The following CA10 variants were observed in gnomAD, a reference collection of about 807,000 sequenced individuals.
CA10 encodes the protein carbonic anhydrase-related protein 10.
CA10 carries 14 observed loss-of-function variants against 44.2 expected under a neutral mutation model. The ratio of observed to expected loss-of-function variants is 0.32; its 90% CI spans 0.21 to 0.50. The LOEUF (loss-of-function observed/expected upper bound fraction) is 0.50, where lower values mean the gene tolerates loss of function less well. Among genes scored for constraint, CA10 ranks in the 20% least tolerant of loss-of-function variants. The pLI is 0.99. For synonymous variants in CA10, 159 were observed against 141.6 expected, an observed-to-expected ratio of 1.12 and a Z score of -0.87; for missense variants, 350 against 409.7, an observed-to-expected ratio of 0.85 and a Z score of 1.26.
Position 51,732,197 on chromosome 17 carries a change from G to A in CA10, c.465+15436C>T, listed in dbSNP as rs576303343. ...GATTTTTACATTGACTGGCAGAAAC[G>A]AAGGAGAGGGAGAACAATGTTAGCA... On this transcript the variant is annotated intron_variant, in intron 4 of 8. Coordinates refer to ENST00000451037, the MANE Select transcript of CA10 (RefSeq NM_020178.5). Among the ~76,000 whole-genome samples the A allele has an allele frequency of 3.3e-5, 5 of 152,306 alleles. No homozygotes were observed. In the South Asian group the frequency reaches 1.0e-3, roughly 32 times the overall value.
At chr17:51,953,517 T>C (rs928664923) in intron 2 of CA10, among the ~76,000 whole-genome samples, 5 of 152,148 alleles carry the variant, frequency 3.3e-5, no homozygotes, top group Admixed American at 2.0e-4. Context: ...GGAAATTTTA[T>C]TGGGAATTGC....
chr17:52,022,687 A>C (rs542929824), intron 2 of CA10, among the ~76,000 whole-genome samples: 1 of 152,260 alleles, frequency 6.6e-6, no homozygotes, highest in Admixed American at 6.5e-5. Flanking sequence ...TGCTGATGAC[A>C]TGATTTTATA....
At chr17:51,769,155 A>G (rs1323029538) in intron 3 of CA10, among the ~76,000 whole-genome samples, 1 of 152,164 alleles carries the variant, frequency 6.6e-6, no homozygotes, top group Admixed American at 6.5e-5. Flanking sequence ...GCCTGCTCAT[A>G]GTTTTTAAAA....
intron 2 of CA10, among the ~76,000 whole-genome samples, chr17:52,040,597 TGAAAGAAGA>T (rs1033106686): frequency 6.6e-6 from 1 of 152,004 alleles, no homozygotes; most frequent in African/African-American, 2.4e-5. Context: ...CAATGATCCC[TGAAAGAAGA>T]GAAACAAACA....
intron 2 of CA10, among the ~76,000 whole-genome samples, chr17:52,031,456 C>G (rs1246014208): frequency 6.6e-6 from 1 of 152,042 alleles, no homozygotes; most frequent in Admixed American, 6.6e-5. Flanking sequence ...GGCTGTGACT[C>G]CAACTCTCCA....
intron 4 of CA10, among the ~76,000 whole-genome samples, chr17:51,657,317 C>A (rs1245944297): frequency 6.6e-6 from 1 of 152,162 alleles, no homozygotes; most frequent in Non-Finnish European, 1.5e-5. Context: ...AACAGCAGGT[C>A]TTAACCATGA....
chr17:52,029,503 C>T (rs866732338), intron 2 of CA10, among the ~76,000 whole-genome samples: 2 of 152,038 alleles, frequency 1.3e-5, no homozygotes, highest in East Asian at 1.9e-4. Context: ...AAACCACACC[C>T]GCCCTCACCC....
chr17:51,892,343 C>A (rs115517102), intron 3 of CA10, among the ~76,000 whole-genome samples: 349 of 152,226 alleles, frequency 2.3e-3, no homozygotes, highest in African/African-American at 8.2e-3. Flanking sequence ...TGCTAGGAAG[C>A]CATTAATTCA....
At chr17:51,696,686 C>G (rs1915414077) in intron 4 of CA10, among the ~76,000 whole-genome samples, 1 of 152,028 alleles carries the variant, frequency 6.6e-6, no homozygotes, top group Admixed American at 6.6e-5. Context: ...GATTGTTAAT[C>G]TGAGATCTTT....
chr17:52,136,084 G>T (rs1395048369), intron 1 of CA10, among the ~76,000 whole-genome samples: 1 of 152,132 alleles, frequency 6.6e-6, no homozygotes, highest in Non-Finnish European at 1.5e-5. Context: ...TTTAGTTCAG[G>T]ATACTGTATG....
intron 3 of CA10, among the ~76,000 whole-genome samples, chr17:51,833,427 C>T (rs555222385): frequency 1.3e-5 from 2 of 152,206 alleles, no homozygotes; most frequent in African/African-American, 4.8e-5. Context: ...CAACTTCTAG[C>T]CAGCTGATTA....
intron 2 of CA10, among the ~76,000 whole-genome samples, chr17:51,981,381 A>T (rs1174258465): frequency 6.6e-6 from 1 of 152,060 alleles, no homozygotes; most frequent in East Asian, 1.9e-4. Context: ...AACATGCGTG[A>T]ATCTCAAAAA....
intron 3 of CA10, among the ~76,000 whole-genome samples, chr17:51,820,825 C>T (rs1341398924): frequency 6.6e-6 from 1 of 152,040 alleles, no homozygotes; most frequent in Non-Finnish European, 1.5e-5. Flanking sequence ...TTGCATCTAA[C>T]TTGTACATCA....
At position 52,157,858 on chromosome 17, in the gene CA10, C is replaced by A; in HGVS notation, c.-72G>T. On this transcript the variant is annotated 5_prime_UTR_variant, in exon 1 of 9. Coordinates refer to ENST00000451037, the MANE Select transcript of CA10 (RefSeq NM_020178.5). ...GAAGGGGGGAGCCCGACACGGCACA[C>A]ACACATACACACTCGCACACACTTC... 1 of 1,141,460 alleles carries A rather than the reference C, an allele frequency of 8.8e-7. No homozygotes were observed. The highest frequency in any genetic ancestry group is 1.2e-5 in the South Asian group (1 of 81,448). 70.7% of individuals were successfully genotyped at this position (1,141,460 alleles called of 1,614,324 possible).
At chr17:51,871,701 C>CT (rs112702385) in intron 3 of CA10, among the ~76,000 whole-genome samples, 2,507 of 147,144 alleles carry the variant, frequency 0.017, 57 homozygotes, top group African/African-American at 0.053. Context: ...CTTCTTTAAA[C>CT]TTTTTTTTTT....
chr17:52,044,474 T>G (rs1986854173), intron 2 of CA10, among the ~76,000 whole-genome samples: 1 of 151,978 alleles, frequency 6.6e-6, no homozygotes, highest in South Asian at 2.1e-4. Flanking sequence ...TGACTAATTT[T>G]TGCATTTTTT....
At chr17:51,742,675 C>T (rs1030437303) in intron 4 of CA10, among the ~76,000 whole-genome samples, 8 of 152,104 alleles carry the variant, frequency 5.3e-5, no homozygotes, top group Admixed American at 2.0e-4. Context: ...GAGAGAAAGC[C>T]CCATATTTTA....
At chr17:51,725,923 A>T (rs1478104752) in intron 4 of CA10, among the ~76,000 whole-genome samples, 3 of 152,194 alleles carry the variant, frequency 2.0e-5, no homozygotes, top group Non-Finnish European at 2.9e-5. Flanking sequence ...GGTACAAAAA[A>T]ATGTGAAGTG....
intron 2 of CA10, among the ~76,000 whole-genome samples, chr17:52,019,794 G>A (rs1986078618): frequency 6.6e-6 from 1 of 151,762 alleles, no homozygotes; most frequent in Non-Finnish European, 1.5e-5. Context: ...TTGATCCATG[G>A]GTTATTTAGA....
Sources: gnomAD v4.1 joint callset for allele counts (sites outside exome capture counted in the v4.1 genomes callset) on GRCh38, gnomAD v4.1.1 for gene constraint, MANE v1.5 for transcripts, NCBI Gene and HGNC (gene_info 2026-07-23, HGNC 2026-07-21) for gene names.